KYAT1: variants seen among roughly 807,000 people sequenced by gnomAD.
KYAT1 encodes the protein kynurenine--oxoglutarate transaminase 1.
In KYAT1, 47 loss-of-function variants were observed where a neutral mutation model predicts 52.4. The ratio of observed to expected loss-of-function variants is 0.90; its 90% confidence interval spans 0.71 to 1.14. The LOEUF (loss-of-function observed/expected upper bound fraction) is 1.14, where lower values mean the gene tolerates loss of function less well. Among genes scored for constraint, KYAT1 ranks in the 50% most tolerant of loss-of-function variants. The pLI, the probability that KYAT1 is intolerant of heterozygous loss-of-function variation, is 0.00. For missense variants in KYAT1, 480 were observed against 557.9 expected, an observed-to-expected ratio of 0.86 and a Z score of 1.41; for synonymous variants, 212 against 209.6, an observed-to-expected ratio of 1.01 and a Z score of -0.10.
chr9:128,858,416 G>T lies in KYAT1; in HGVS notation c.-6-13005C>A, dbSNP rs1440433763. 9.6e-4 allele frequency among the ~76,000 whole-genome samples: 12 copies of T among 12,504 alleles called. No homozygotes were observed. The South Asian group carries it at 0.034, about 36-fold the overall frequency. The allele number at this position is 12,504 out of a possible 152,430, so 8.2% of individuals were successfully genotyped here. ...TGTATAAAAAAAAAAAAAAAAAAAA[G>T]CCCGGGCATGGTGGCTCATACCTGT... On this transcript the variant is annotated intron_variant, in intron 1 of 12. Coordinates refer to ENST00000302586, the MANE Select transcript of KYAT1 (RefSeq NM_004059.5).
intron 1 of KYAT1, among the ~76,000 whole-genome samples, chr9:128,875,156 G>C (rs10760581): frequency 6.6e-6 from 1 of 151,850 alleles, no homozygotes; most frequent in African/African-American, 2.4e-5. Flanking sequence ...GCAGATCTCA[G>C]GTTTCCCAAA....
chr9:128,871,363 G>A (rs980043851), intron 1 of KYAT1, among the ~76,000 whole-genome samples: 2 of 151,972 alleles, frequency 1.3e-5, no homozygotes, highest in African/African-American at 4.8e-5. Context: ...AAAAGGGCAG[G>A]TTGAAGAACA....
At chr9:128,877,658 C>T (rs533411811) in intron 1 of KYAT1, among the ~76,000 whole-genome samples, 3 of 152,298 alleles carry the variant, frequency 2.0e-5, no homozygotes, top group East Asian at 3.9e-4. Context: ...CAAGGGCAGG[C>T]GAGGTGACCA....
Position 128,838,069 on chromosome 9 carries a change from C to T in KYAT1, c.420G>A (p.Val140=), listed in dbSNP as rs976170129. Residue 140 remains valine (V), a synonymous_variant, in exon 5 of 13, where the codon GTG becomes GTA. Transcript: ENST00000302586. The part of the protein sequence containing the change: ...PMTMMAGGRP[V]FVSLKPGPIQ... ...TCCTTACCGGCTTCAGGGACACAAA[C>T]ACAGGACGACCCCCTGCCATCATTG... 6.2e-7 allele frequency: 1 copy of T among 1,614,166 alleles called. No individual in the cohort carries two copies. Among genetic ancestry groups the T allele is most frequent in the Non-Finnish European group, 8.5e-7 (1 of 1,180,016 alleles).
chr9:128,867,607 C>T (rs559053568), intron 1 of KYAT1, among the ~76,000 whole-genome samples: 1 of 152,308 alleles, frequency 6.6e-6, no homozygotes, highest in Admixed American at 6.5e-5. Flanking sequence ...GGGGCTAGTT[C>T]AGTATCGCTG....
In KYAT1 at chr9:128,842,785, G is replaced by A. The variant is rs780176481; in HGVS notation, c.70C>T (p.Leu24=). ...TTCACGACGTCATGCTCACTGGCCA[G>A]TTTCACAAACTCCACCCTGGGTAAC... is the stretch of plus-strand genomic sequence containing the variant. The part of the protein sequence containing the change: ...DYNPWVEFVK[L]ASEHDVVNLG... The change falls in exon 3 of 13, where the codon CTG becomes TTG. Residue 24 remains leucine (L), a synonymous_variant. Transcript: ENST00000302586. 8.7e-6 allele frequency: 14 copies of A among 1,613,704 alleles called. No homozygotes were observed. Among genetic ancestry groups the A allele is most frequent in the Non-Finnish European group, 9.3e-6 (11 of 1,179,858 alleles).
At chr9:128,837,853 C>T (rs781352539) in intron 5 of KYAT1, 40 bp from the exon 6 acceptor site, 2 of 1,610,404 alleles carry the variant, frequency 1.2e-6, no homozygotes, top group South Asian at 2.2e-5. Flanking sequence ...CACTTAACCA[C>T]CTGACATGCA....
intron 1 of KYAT1, among the ~76,000 whole-genome samples, chr9:128,866,470 G>C (rs549454528): frequency 1.3e-5 from 2 of 151,558 alleles, no homozygotes; most frequent in South Asian, 2.1e-4. Context: ...GTGGTGGCAG[G>C]CACCTGTAAT....
intron 1 of KYAT1, 123 bp from the exon 2 acceptor site, chr9:128,845,534 G>A (rs1031138062): frequency 9.1e-6 from 8 of 883,512 alleles, no homozygotes; most frequent in Middle Eastern, 2.7e-4. Flanking sequence ...CCAGGAGGGG[G>A]AAGAGATAGA....
At chr9:128,836,290 ATTTC>A (rs1564448296) in intron 7 of KYAT1, among the ~76,000 whole-genome samples, 6 of 52,258 alleles carry the variant, frequency 1.1e-4, no homozygotes, top group South Asian at 1.7e-3. Context: ...TCCACCCCCC[ATTTC>A]TTTCTTTGTT....
At chr9:128,875,845 G>T (rs1340421247) in intron 1 of KYAT1, among the ~76,000 whole-genome samples, 4 of 152,272 alleles carry the variant, frequency 2.6e-5, no homozygotes, top group Admixed American at 2.6e-4. Flanking sequence ...ACCTCTATCA[G>T]CCTGGGCAGC....
At chr9:128,833,920 GAA>G in intron 11 of KYAT1, 94 bp from the exon 12 acceptor site, 1 of 951,812 alleles carries the variant, frequency 1.1e-6, no homozygotes, top group Non-Finnish European at 1.6e-6. Context: ...ACCAGGCGGG[GAA>G]GGAGAGTTAG....
chr9:128,857,205 T>G lies in KYAT1; in HGVS notation c.-6-11794A>C, dbSNP rs566636256. Among the ~76,000 whole-genome samples, 159 of 152,300 alleles carry G rather than the reference T, an allele frequency of 1.0e-3. 1 individual carries two copies. The highest frequency in any genetic ancestry group is 2.9e-3 in the Admixed American group (45 of 15,300). On this transcript the variant is annotated intron_variant, in intron 1 of 12. Transcript: ENST00000302586. ...ATAGATTCTTTTGCTCACATGTTTT[T>G]TTGCTGACCTTCTCCTTATTATCAC...
chr9:128,837,996 C>G, intron 5 of KYAT1, 55 bp downstream of exon 5: 1 of 1,576,922 alleles, frequency 6.3e-7, no homozygotes, highest in Non-Finnish European at 8.7e-7. Context: ...CAGGGTCCAA[C>G]TCAGCCCACG....
At chr9:128,870,290 T>A (rs1160783848) in intron 1 of KYAT1, among the ~76,000 whole-genome samples, 1 of 152,196 alleles carries the variant, frequency 6.6e-6, no homozygotes, top group African/African-American at 2.4e-5. Flanking sequence ...GGAATATTAT[T>A]CAGCCACAAA....
At chr9:128,878,879 G>T (rs1334583165) in intron 1 of KYAT1, among the ~76,000 whole-genome samples, 1 of 152,200 alleles carries the variant, frequency 6.6e-6, no homozygotes, top group African/African-American at 2.4e-5. Context: ...GGGAGCCTTG[G>T]AGGAGGTGGC....
intron 3 of KYAT1, among the ~76,000 whole-genome samples, chr9:128,840,300 C>G (rs1831917432): frequency 6.6e-6 from 1 of 151,568 alleles, no homozygotes; most frequent in African/African-American, 2.4e-5. Flanking sequence ...TTGTTGTCAC[C>G]CAGGCTGGAG....
chr9:128,857,021 G>A (rs1834715137), intron 1 of KYAT1, among the ~76,000 whole-genome samples: 2 of 152,238 alleles, frequency 1.3e-5, no homozygotes, highest in South Asian at 4.1e-4. Flanking sequence ...TCAATTCTGA[G>A]ATAGGAGAAA....
chr9:128,863,481 C>A (rs929290225), intron 1 of KYAT1, among the ~76,000 whole-genome samples: 78 of 150,508 alleles, frequency 5.2e-4, no homozygotes, highest in African/African-American at 1.8e-3. Context: ...AAAAAAAAAA[C>A]CAAAACAACA....
Sources: allele counts gnomAD v4.1 joint callset (sites outside exome capture counted in the v4.1 genomes callset), GRCh38; gene constraint gnomAD v4.1.1; transcripts MANE v1.5; gene names NCBI Gene and HGNC (gene_info 2026-07-23, HGNC 2026-07-21).